Variants in TUNAR observed in about 807,000 individuals in gnomAD.
The protein encoded by TUNAR is transmembrane neural differentiation associated intracellular calcium regulator, also known as protein TUNAR.
chr14:95,917,324 G>A (rs1358654772), intron 2 of TUNAR, among the ~76,000 whole-genome samples: 1 of 152,194 alleles, frequency 6.6e-6, no homozygotes, highest in African/African-American at 2.4e-5. Flanking sequence ...CTGTGGATCA[G>A]CAGTGTCCAT....
At chr14:95,887,782 G>A (rs987695640) in intron 2 of TUNAR, among the ~76,000 whole-genome samples, 1 of 152,198 alleles carries the variant, frequency 6.6e-6, no homozygotes, top group African/African-American at 2.4e-5. Context: ...ATGGGTTGGG[G>A]ACCCGACCAG....
At chr14:95,901,513 G>A (rs1889353309) in intron 2 of TUNAR, among the ~76,000 whole-genome samples, 1 of 152,236 alleles carries the variant, frequency 6.6e-6, no homozygotes. Flanking sequence ...CTAATGTGGG[G>A]CACAGGAGTT....
intron 2 of TUNAR, among the ~76,000 whole-genome samples, chr14:95,901,113 C>T (rs1889346315): frequency 6.6e-6 from 1 of 152,198 alleles, no homozygotes; most frequent in Non-Finnish European, 1.5e-5. Flanking sequence ...GTCCAGGCAA[C>T]AGCTTCAGAA....
At chr14:95,897,995 C>G (rs911874429) in intron 2 of TUNAR, among the ~76,000 whole-genome samples, 1 of 152,256 alleles carries the variant, frequency 6.6e-6, no homozygotes, top group South Asian at 2.1e-4. Flanking sequence ...ATGCTCTCCC[C>G]TCCTCTACCC....
intron 2 of TUNAR, among the ~76,000 whole-genome samples, chr14:95,898,724 T>A (rs575953165): frequency 2.2e-4 from 34 of 152,210 alleles, no homozygotes; most frequent in Non-Finnish European, 4.6e-4. Flanking sequence ...CTATTTTCGT[T>A]TTATAGCTAC....
intron 2 of TUNAR, among the ~76,000 whole-genome samples, chr14:95,916,142 TGTAA>T (rs1889601695): frequency 6.6e-6 from 1 of 152,262 alleles, no homozygotes; most frequent in African/African-American, 2.4e-5. Context: ...ATATTTAGAA[TGTAA>T]GTATAAAGAG....
chr14:95,886,575 C>T (rs58593709), intron 2 of TUNAR, among the ~76,000 whole-genome samples: 10,699 of 152,280 alleles, frequency 0.07, 385 homozygotes, highest in South Asian at 0.093. Context: ...CACGGCATCC[C>T]GGGCAGTCAG....
At chr14:95,891,885 C>T (rs962577433) in intron 2 of TUNAR, among the ~76,000 whole-genome samples, 1 of 152,226 alleles carries the variant, frequency 6.6e-6, no homozygotes, top group Admixed American at 6.5e-5. Context: ...TGCCTGCAAT[C>T]CTTGGCATTC....
intron 2 of TUNAR, among the ~76,000 whole-genome samples, chr14:95,892,132 C>T (rs555847226): frequency 1.3e-5 from 2 of 152,370 alleles, no homozygotes; most frequent in South Asian, 2.1e-4. Flanking sequence ...TTTGGGGGGA[C>T]ACAGGTCCCC....
chr14:95,886,741 A>C (rs967875756), intron 2 of TUNAR, among the ~76,000 whole-genome samples: 3 of 152,170 alleles, frequency 2.0e-5, no homozygotes, highest in African/African-American at 7.2e-5. Context: ...TAGCACATGA[A>C]ATCACTCTGG....
intron 2 of TUNAR, among the ~76,000 whole-genome samples, chr14:95,896,941 C>T (rs1030895568): frequency 2.0e-5 from 3 of 152,184 alleles, no homozygotes; most frequent in Non-Finnish European, 4.4e-5. Flanking sequence ...GCTCTAAAAT[C>T]GTACTTTACA....
chr14:95,886,096 G>A (rs982592099), intron 2 of TUNAR, among the ~76,000 whole-genome samples: 5 of 152,210 alleles, frequency 3.3e-5, no homozygotes, highest in African/African-American at 7.2e-5. Flanking sequence ...GATTCACCGA[G>A]CCATGGGTCT....
At chr14:95,889,168 T>C (rs1196754041) in intron 2 of TUNAR, among the ~76,000 whole-genome samples, 1 of 151,988 alleles carries the variant, frequency 6.6e-6, no homozygotes, top group Non-Finnish European at 1.5e-5. Context: ...GTCCCTGGCC[T>C]CCCTTCCCTT....
chr14:95,914,779 T>C (rs898009232), intron 2 of TUNAR, among the ~76,000 whole-genome samples: 2 of 152,176 alleles, frequency 1.3e-5, no homozygotes, highest in Non-Finnish European at 2.9e-5. Flanking sequence ...ATCCCTACTT[T>C]ATAGGTGAGG....
At chr14:95,885,402 T>G (rs1193756736) in intron 2 of TUNAR, among the ~76,000 whole-genome samples, 1 of 152,166 alleles carries the variant, frequency 6.6e-6, no homozygotes, top group Non-Finnish European at 1.5e-5. Context: ...CTGTAGCTAA[T>G]TAGAGTGACT....
chr14:95,903,685 A>C (rs955640245), intron 2 of TUNAR, among the ~76,000 whole-genome samples: 6 of 152,254 alleles, frequency 3.9e-5, no homozygotes, highest in Admixed American at 3.9e-4. Context: ...GGCTTGAAAC[A>C]GAAGGTCGTT....
chr14:95,895,811 A>G lies in TUNAR; in HGVS notation c.12+18634A>G, dbSNP rs1318754593. On this transcript the variant is annotated intron_variant, in intron 2 of 2. Transcript: ENST00000678517. This position sits in a 1 kb window ranked among gnomAD's most constrained non-coding sequence, Gnocchi z 4.5. The stretch of plus-strand genomic sequence containing the variant: ...TCTCCCGCTTCTCTTCCTCCTTCAG[A>G]TCTCAGCCCGCTGTCGCCTTCTCTC... The G allele has an allele frequency of 2.0e-5, 3 of 152,210 alleles. No homozygotes were observed. Among genetic ancestry groups the G allele is most frequent in the Non-Finnish European group, 4.4e-5 (3 of 68,130 alleles). The allele number at this position is 152,210 out of a possible 1,614,324, so 9.4% of individuals were successfully genotyped here.
At position 95,895,356 on chromosome 14, in the gene TUNAR, T is replaced by A. The variant is rs1465173390; in HGVS notation, c.12+18179T>A. Among the ~76,000 whole-genome samples the A allele has an allele frequency of 6.6e-6, 1 of 152,150 alleles. No homozygotes were observed. Among genetic ancestry groups the A allele is most frequent in the Non-Finnish European group, 1.5e-5 (1 of 68,028 alleles). ...AGAGTGAGGGAAGTGTGGGGCCCTG[T>A]TTTAGCTCCGTAGCCAAAGACCTGA... On this transcript the variant is annotated intron_variant, in intron 2 of 2. Transcript: ENST00000678517. The surrounding 1 kb of genome is among the most constrained non-coding windows in gnomAD (Gnocchi z 4.5).
chr14:95,885,634 G>C (rs1889064243), intron 2 of TUNAR, among the ~76,000 whole-genome samples: 1 of 152,162 alleles, frequency 6.6e-6, no homozygotes, highest in East Asian at 1.9e-4. Context: ...AGGCTGCAAG[G>C]CAGGGACAAG....
Sources: allele counts gnomAD v4.1 joint callset (sites outside exome capture counted in the v4.1 genomes callset), GRCh38; gene constraint gnomAD v4.1.1; non-coding constraint Gnocchi (gnomAD v3.1); transcripts MANE v1.5; gene names NCBI Gene and HGNC (gene_info 2026-07-23, HGNC 2026-07-21).